Variants in SACM1L observed in about 807,000 individuals in gnomAD.
The protein encoded by SACM1L is phosphatidylinositol-3-phosphatase SAC1.
SACM1L carries 32 observed loss-of-function variants against 89.5 expected under a neutral mutation model. The ratio of observed to expected loss-of-function variants is 0.36; its 90% CI spans 0.27 to 0.48. The LOEUF (loss-of-function observed/expected upper bound fraction) is 0.48, where lower values mean the gene tolerates loss of function less well. SACM1L is among the 20% of genes least tolerant of loss of function. The probability of loss-of-function intolerance (pLI) is 0.99; values close to 1 mark genes in which losing one functional copy is unlikely to be tolerated. For missense variants in SACM1L, 543 were observed against 708.5 expected, an observed-to-expected ratio of 0.77 and a Z score of 2.65; for synonymous variants, 213 against 232.8, an observed-to-expected ratio of 0.92 and a Z score of 0.77.
At chr3:45,698,132 A>T (rs1397439289) in intron 1 of SACM1L, among the ~76,000 whole-genome samples, 1 of 152,242 alleles carries the variant, frequency 6.6e-6, no homozygotes, top group Non-Finnish European at 1.5e-5. Flanking sequence ...GAAGCCCAGG[A>T]AGCATAAAAC....
intron 14 of SACM1L, 151 bp downstream of exon 14, chr3:45,735,524 A>G: frequency 2.8e-6 from 2 of 710,582 alleles, no homozygotes; most frequent in South Asian, 6.1e-5. Flanking sequence ...CACATTTTCC[A>G]TAACTAGGGT....
intron 4 of SACM1L, 129 bp downstream of exon 4, chr3:45,707,036 C>G: frequency 1.4e-6 from 1 of 729,694 alleles, no homozygotes; most frequent in Non-Finnish European, 2.1e-6. Context: ...AGTAAGATCA[C>G]TCTACCTACT....
chr3:45,690,270 T>TA (rs1199296254), intron 1 of SACM1L: 3 of 152,274 alleles, frequency 2.0e-5, no homozygotes, highest in Non-Finnish European at 4.4e-5. Flanking sequence ...CCCTTAGTGT[T>TA]ACCCATTAGC....
intron 19 of SACM1L, 129 bp downstream of exon 19, chr3:45,739,773 A>G: frequency 2.4e-6 from 2 of 844,130 alleles, no homozygotes; most frequent in South Asian, 2.9e-5. Flanking sequence ...TGGATGTGAC[A>G]TTAGATTGTC....
chr3:45,721,044 A>C (rs567313836), intron 8 of SACM1L, among the ~76,000 whole-genome samples: 1 of 152,228 alleles, frequency 6.6e-6, no homozygotes, highest in Admixed American at 6.5e-5. Flanking sequence ...GAATGCTTCA[A>C]ATATTTGAAA....
At position 45,722,018 on chromosome 3, in the gene SACM1L, A is replaced by C; in HGVS notation, c.698A>C (p.His233Pro). 5 of 1,612,200 alleles carry C rather than the reference A, an allele frequency of 3.1e-6. No individual in the cohort carries two copies. The highest frequency in any genetic ancestry group is 3.4e-6 in the Non-Finnish European group (4 of 1,178,740). ...TATTTAGGAATTGATTCGGAAGGCC[A>C]TGCAGCTAACTTTGTAGAAACAGAA... ...YYVRGIDSEG[H>P]AANFVETEQI... The change falls in exon 9 of 20, where the codon CAT becomes CCT. Residue 233 changes from histidine (H) to proline (P), a missense_variant. By Grantham distance (77) the His-to-Pro change is moderately conservative. Coordinates refer to ENST00000389061, the MANE Select transcript of SACM1L (RefSeq NM_014016.5).
chr3:45,734,136 G>GTTTTT (rs1699141795), intron 13 of SACM1L, among the ~76,000 whole-genome samples: 1 of 143,376 alleles, frequency 7.0e-6, no homozygotes. Flanking sequence ...TTTTTGGCTG[G>GTTTTT]GGGCTGTGGC....
At chr3:45,723,616 C>T in intron 11 of SACM1L, 73 bp downstream of exon 11, 2 of 750,636 alleles carry the variant, frequency 2.7e-6, no homozygotes, top group Non-Finnish European at 4.0e-6. Flanking sequence ...ACTATTTTAA[C>T]CATTTTTTAA....
chr3:45,703,650 A>T, intron 2 of SACM1L, 115 bp downstream of exon 2: 1 of 586,984 alleles, frequency 1.7e-6, no homozygotes, highest in Non-Finnish European at 2.9e-6. Flanking sequence ...GTGCATTCTT[A>T]TTAAAATTTT....
intron 13 of SACM1L, 172 bp from the exon 14 acceptor site, chr3:45,735,061 TAG>T: frequency 3.8e-6 from 2 of 525,794 alleles, no homozygotes; most frequent in Non-Finnish European, 3.1e-6. Flanking sequence ...CTCAGCCATT[TAG>T]ACTTCTTTTT....
intron 1 of SACM1L, among the ~76,000 whole-genome samples, chr3:45,694,815 G>C (rs1698085167): frequency 6.6e-6 from 1 of 152,170 alleles, no homozygotes; most frequent in Admixed American, 6.5e-5. Flanking sequence ...TGGAAGATAT[G>C]GGGCTCTGGT....
Position 45,739,595 on chromosome 3 carries a change from TATC to T in SACM1L, c.1581_1583del (p.Ile527del). ...TCTATTGTCTTTTCCAGTTGCCTATTATCATGGTTGTTGCCTTTTCAATGTGCA... is the reference window on the plus strand; with the variant it reads ...TCTATTGTCTTTTCCAGTTGCCTATTATGGTTGTTGCCTTTTCAATGTGCA... On this transcript the variant is annotated inframe_deletion, in exon 19 of 20. Coordinates refer to ENST00000389061, the MANE Select transcript of SACM1L (RefSeq NM_014016.5). 6.2e-7 allele frequency: 1 copy of T among 1,614,156 alleles called. No individual in the cohort carries two copies. The highest frequency in any genetic ancestry group is 8.5e-7 in the Non-Finnish European group (1 of 1,179,992).
chr3:45,708,924 A>G, intron 4 of SACM1L, among the ~76,000 whole-genome samples: 1 of 152,236 alleles, frequency 6.6e-6, no homozygotes, highest in East Asian at 1.9e-4. Flanking sequence ...TTTCCCAAAA[A>G]TAAAGATAAA....
chr3:45,716,307 C>G (rs1375594636), intron 7 of SACM1L, among the ~76,000 whole-genome samples: 1 of 152,094 alleles, frequency 6.6e-6, no homozygotes, highest in Non-Finnish European at 1.5e-5. Context: ...GACCCTGTCT[C>G]TACAAAAATT....
At chr3:45,701,637 C>G (rs1446159743) in intron 1 of SACM1L, among the ~76,000 whole-genome samples, 4 of 152,168 alleles carry the variant, frequency 2.6e-5, no homozygotes, top group Non-Finnish European at 5.9e-5. Flanking sequence ...ATACAATAAA[C>G]TACACACATG....
chr3:45,690,731 C>A (rs1697964491), intron 1 of SACM1L, among the ~76,000 whole-genome samples: 1 of 52,912 alleles, frequency 1.9e-5, no homozygotes, highest in Non-Finnish European at 3.9e-5. Context: ...ACATTTTCCT[C>A]TCCACCTTTC....
At chr3:45,739,754 T>TA in intron 19 of SACM1L, 110 bp downstream of exon 19, 1 of 950,988 alleles carries the variant, frequency 1.1e-6, no homozygotes, top group Non-Finnish European at 1.7e-6. Flanking sequence ...TTAAATTTAA[T>TA]GGGTAAAGTG....
At chr3:45,723,070 C>T in intron 10 of SACM1L, 115 bp downstream of exon 10, 1 of 873,434 alleles carries the variant, frequency 1.1e-6, no homozygotes, top group Non-Finnish European at 1.8e-6. Context: ...ATCTTTGAGG[C>T]TATTCTTCTT....
At position 45,739,602 on chromosome 3, in the gene SACM1L, G is replaced by C; in HGVS notation, c.1585G>C (p.Val529Leu). The C allele has an allele frequency of 6.2e-7, 1 of 1,614,096 alleles. No individual in the cohort carries two copies. Among genetic ancestry groups the C allele is most frequent in the Non-Finnish European group, 8.5e-7 (1 of 1,179,996 alleles). ...TCTTTTCCAGTTGCCTATTATCATG[G>C]TTGTTGCCTTTTCAATGTGCATTAT... The part of the protein sequence containing the change: ...WKFLALPIIM[V>L]VAFSMCIICL... Residue 529 changes from valine to leucine, a missense_variant, in exon 19 of 20, where the codon GTT becomes CTT. Val to Leu is a conservative substitution (Grantham distance 32). This residue lies in a region of SACM1L where 370 missense variants were observed against 527.6 expected (regional missense o/e 0.70). Coordinates refer to ENST00000389061, the MANE Select transcript of SACM1L (RefSeq NM_014016.5).
Sources: allele counts gnomAD v4.1 joint callset (sites outside exome capture counted in the v4.1 genomes callset), GRCh38; gene constraint gnomAD v4.1.1; regional missense constraint gnomAD v4.1.1; transcripts MANE v1.5; gene names NCBI Gene and HGNC (gene_info 2026-07-23, HGNC 2026-07-21).